C8orf34: variants seen among roughly 807,000 people sequenced by gnomAD.
C8orf34 encodes uncharacterized protein C8orf34.
A neutral mutation model predicts 68.3 loss-of-function variants in C8orf34; 65 were observed. That is an observed-to-expected ratio of 0.95 (90% CI 0.78 to 1.17). The LOEUF (loss-of-function observed/expected upper bound fraction) is 1.17. C8orf34 is among the 50% of genes most tolerant of loss of function. The pLI is 0.00. For synonymous variants in C8orf34, 244 were observed against 241.2 expected (o/e 1.01, Z -0.11); for missense variants, 664 against 655.4 (o/e 1.01, Z -0.14).
intron 10 of C8orf34, among the ~76,000 whole-genome samples, chr8:68,738,703 T>C (rs1320282731): frequency 6.6e-6 from 1 of 152,090 alleles, no homozygotes; most frequent in Non-Finnish European, 1.5e-5. Flanking sequence ...GATAAATTCC[T>C]GTATACATAC....
intron 8 of C8orf34, among the ~76,000 whole-genome samples, chr8:68,660,573 A>C (rs912261063): frequency 1.3e-5 from 2 of 152,156 alleles, no homozygotes; most frequent in African/African-American, 4.8e-5. Flanking sequence ...GGGAGGGCTA[A>C]TTGGCAGAAA....
At chr8:68,612,748 T>A (rs184159715) in intron 7 of C8orf34, among the ~76,000 whole-genome samples, 1 of 152,268 alleles carries the variant, frequency 6.6e-6, no homozygotes, top group East Asian at 1.9e-4. Flanking sequence ...AATTATTATG[T>A]TAGTCCTTTC....
chr8:68,368,555 G>C (rs1807417183), intron 1 of C8orf34, among the ~76,000 whole-genome samples: 1 of 151,980 alleles, frequency 6.6e-6, no homozygotes, highest in Admixed American at 6.6e-5. Flanking sequence ...TTTTGTGTGG[G>C]TCCTGATTTT....
intron 8 of C8orf34, among the ~76,000 whole-genome samples, chr8:68,696,427 G>A (rs143973137): frequency 0.01 from 1,543 of 148,860 alleles, 32 homozygotes; most frequent in African/African-American, 0.036. Context: ...TTTTATTACC[G>A]GTCCTTTACT....
intron 10 of C8orf34, among the ~76,000 whole-genome samples, chr8:68,724,542 G>A (rs59276657): frequency 0.067 from 10,140 of 152,208 alleles, 466 homozygotes; most frequent in African/African-American, 0.12. Flanking sequence ...TTTAAGTGAC[G>A]TGGAGGCAAC....
At chr8:68,754,363 G>A (rs1822791462) in intron 10 of C8orf34, among the ~76,000 whole-genome samples, 1 of 152,178 alleles carries the variant, frequency 6.6e-6, no homozygotes, top group Admixed American at 6.5e-5. Flanking sequence ...GCCAAAATCT[G>A]CTACCAGGAA....
Position 68,787,526 on chromosome 8 carries a change from A to G in C8orf34, c.1539A>G (p.Glu513=). 1 of 1,608,592 alleles carries G rather than the reference A, an allele frequency of 6.2e-7. No homozygotes were observed. The highest frequency in any genetic ancestry group is 8.5e-7 in the Non-Finnish European group (1 of 1,176,326). ...SDTESEGVEA[E]QEKRSADLLL... is the part of the protein sequence containing the mutation. ...CAGAAAGTGAAGGAGTGGAAGCAGAACAAGAGAAACGTGAGTAGACACTAT... is the reference window on the plus strand; with the variant it reads ...CAGAAAGTGAAGGAGTGGAAGCAGAGCAAGAGAAACGTGAGTAGACACTAT... The change falls in exon 12 of 14, where the codon GAA becomes GAG. Residue 513 remains glutamate (E), a synonymous_variant. Coordinates refer to ENST00000518698, the MANE Select transcript of C8orf34 (RefSeq NM_052958.4).
intron 7 of C8orf34, among the ~76,000 whole-genome samples, chr8:68,537,321 C>G (rs1421323009): frequency 1.3e-5 from 2 of 151,744 alleles, no homozygotes; most frequent in African/African-American, 2.4e-5. Flanking sequence ...CATAGAAACT[C>G]TTTTTATCTC....
At chr8:68,671,751 T>A (rs1266413652) in intron 8 of C8orf34, among the ~76,000 whole-genome samples, 1 of 152,216 alleles carries the variant, frequency 6.6e-6, no homozygotes, top group East Asian at 1.9e-4. Flanking sequence ...AATTTATGTA[T>A]AAAATTGTGG....
intron 1 of C8orf34, among the ~76,000 whole-genome samples, chr8:68,390,425 G>C (rs1406702820): frequency 6.6e-6 from 1 of 152,174 alleles, no homozygotes; most frequent in African/African-American, 2.4e-5. Context: ...AGAGGAAGTA[G>C]CTAGCAATAA....
intron 13 of C8orf34, 98 bp from the exon 14 acceptor site, chr8:68,818,141 T>C (rs1483454431): frequency 1.7e-6 from 2 of 1,198,136 alleles, no homozygotes; most frequent in Admixed American, 3.6e-5. Context: ...TTCATTGGAA[T>C]AGAGGAAAGC....
chr8:68,774,274 G>A (rs1035794808), intron 10 of C8orf34, among the ~76,000 whole-genome samples: 1 of 147,560 alleles, frequency 6.8e-6, no homozygotes, highest in South Asian at 2.1e-4. Context: ...GTAAGATAGT[G>A]TGGGAAGTTC....
chr8:68,760,082 A>G (rs557616956), intron 10 of C8orf34, among the ~76,000 whole-genome samples: 13 of 152,224 alleles, frequency 8.5e-5, no homozygotes, highest in Non-Finnish European at 1.8e-4. Context: ...ATGATCAGAA[A>G]TAGCTTCCTG....
Position 68,390,198 on chromosome 8 carries a change from G to A in C8orf34, c.328-49301G>A, listed in dbSNP as rs1808424403. On this transcript the variant is annotated intron_variant, in intron 1 of 13. Coordinates refer to ENST00000518698, the MANE Select transcript of C8orf34 (RefSeq NM_052958.4). ...ACACTTAATTGGGGCTGAAGGACGT[G>A]AGGGCCCCTGTCCAGCCCACCATTC... 1.3e-5 allele frequency among the ~76,000 whole-genome samples: 2 copies of A among 152,122 alleles called. 1 individual carries two copies. The highest frequency in any genetic ancestry group is 2.9e-5 in the Non-Finnish European group (2 of 68,020).
intron 7 of C8orf34, among the ~76,000 whole-genome samples, chr8:68,537,458 T>A (rs1381211717): frequency 6.8e-6 from 1 of 147,894 alleles, no homozygotes; most frequent in East Asian, 1.9e-4. Flanking sequence ...ACTTTCTTTT[T>A]ATTTTCTTTT....
intron 1 of C8orf34, among the ~76,000 whole-genome samples, chr8:68,417,376 C>T (rs1022412651): frequency 2.0e-5 from 3 of 151,954 alleles, no homozygotes; most frequent in African/African-American, 4.8e-5. Flanking sequence ...TTAGTGCCTA[C>T]TGATAGACAC....
At chr8:68,745,162 T>C (rs1406307561) in intron 10 of C8orf34, among the ~76,000 whole-genome samples, 1 of 152,006 alleles carries the variant, frequency 6.6e-6, no homozygotes, top group African/African-American at 2.4e-5. Context: ...AGAAATAAAA[T>C]CTTTTCCAGA....
chr8:68,615,735 A>G (rs1818188373), intron 7 of C8orf34, among the ~76,000 whole-genome samples: 1 of 152,162 alleles, frequency 6.6e-6, no homozygotes, highest in Non-Finnish European at 1.5e-5. Context: ...CATCAAGGAT[A>G]TTGGTCTAAA....
At chr8:68,384,085 C>A (rs953654458) in intron 1 of C8orf34, among the ~76,000 whole-genome samples, 1 of 152,182 alleles carries the variant, frequency 6.6e-6, no homozygotes, top group Non-Finnish European at 1.5e-5. Flanking sequence ...AAGTTTTACC[C>A]TTTTAACAAA....
Sources: gnomAD v4.1 joint callset for allele counts (sites outside exome capture counted in the v4.1 genomes callset) on GRCh38, gnomAD v4.1.1 for gene constraint, MANE v1.5 for transcripts, NCBI Gene and HGNC (gene_info 2026-07-23, HGNC 2026-07-21) for gene names.